The following CAMKMT variants were observed in gnomAD, a reference collection of about 807,000 sequenced individuals.
CAMKMT encodes calmodulin-lysine N-methyltransferase.
Under a neutral mutation model 48.0 loss-of-function variants are expected in CAMKMT, and 53 were observed. That is an observed-to-expected ratio of 1.10 (90% CI 0.89 to 1.39). The LOEUF (loss-of-function observed/expected upper bound fraction) is 1.39. Among genes scored for constraint, CAMKMT ranks in the 40% most tolerant of loss-of-function variants. The pLI is 0.00. For synonymous variants in CAMKMT, 165 were observed against 152.3 expected, an observed-to-expected ratio of 1.08 and a Z score of -0.61; for missense variants, 428 against 402.7, an observed-to-expected ratio of 1.06 and a Z score of -0.54.
At chr2:44,485,523 C>T (rs777996523) in intron 3 of CAMKMT, among the ~76,000 whole-genome samples, 10 of 152,068 alleles carry the variant, frequency 6.6e-5, no homozygotes, top group East Asian at 1.9e-4. Flanking sequence ...TTTTGTTGTG[C>T]GAACATCATA....
chr2:44,560,554 G>A (rs1228574581), intron 3 of CAMKMT, among the ~76,000 whole-genome samples: 2 of 152,204 alleles, frequency 1.3e-5, no homozygotes, highest in Admixed American at 1.3e-4. Context: ...TTATAGGCGT[G>A]AGCCACGGTG....
In CAMKMT at chr2:44,641,886, T is replaced by G. The variant is rs944219379; in HGVS notation, c.377-62397T>G. Reference sequence around the variant, plus strand: ...ATGTATTTTTATCTGATCCTCAACATGAACCAGGACTTTAGAAGAGAAATG... The same window carrying G: ...ATGTATTTTTATCTGATCCTCAACAGGAACCAGGACTTTAGAAGAGAAATG... On this transcript the variant is annotated intron_variant, in intron 3 of 10. Transcript: ENST00000378494. 5.9e-5 allele frequency among the ~76,000 whole-genome samples: 9 copies of G among 152,308 alleles called. No homozygotes were observed. The East Asian group carries it at 1.7e-3, about 29-fold the overall frequency.
At chr2:44,630,921 C>G (rs902224036) in intron 3 of CAMKMT, among the ~76,000 whole-genome samples, 1 of 151,758 alleles carries the variant, frequency 6.6e-6, no homozygotes, top group African/African-American at 2.4e-5. Flanking sequence ...GACTATAAAT[C>G]ATGCTGCTAT....
At chr2:44,586,203 G>T (rs956525104) in intron 3 of CAMKMT, among the ~76,000 whole-genome samples, 1 of 152,138 alleles carries the variant, frequency 6.6e-6, no homozygotes, top group Non-Finnish European at 1.5e-5. Context: ...TCCAAAATCT[G>T]ATAGGGTTTC....
At chr2:44,492,104 G>A (rs1346824460) in intron 3 of CAMKMT, among the ~76,000 whole-genome samples, 1 of 151,996 alleles carries the variant, frequency 6.6e-6, no homozygotes, top group African/African-American at 2.4e-5. Flanking sequence ...AAAAAGGCAG[G>A]GGTTGAACAT....
chr2:44,637,805 G>A (rs1017172755), intron 3 of CAMKMT, among the ~76,000 whole-genome samples: 6 of 151,910 alleles, frequency 3.9e-5, no homozygotes, highest in South Asian at 2.1e-4. Context: ...GGTGGCTCAC[G>A]CCTGTAATCC....
At chr2:44,745,725 C>CTACTCTCACT (rs1328935966) in intron 8 of CAMKMT, among the ~76,000 whole-genome samples, 1 of 152,060 alleles carries the variant, frequency 6.6e-6, no homozygotes, top group Non-Finnish European at 1.5e-5. Flanking sequence ...AAACATTAAG[C>CTACTCTCACT]TACTCTCACT....
intron 3 of CAMKMT, among the ~76,000 whole-genome samples, chr2:44,673,463 AAGAG>A (rs200117026): frequency 3.7e-5 from 5 of 133,338 alleles, no homozygotes; most frequent in African/African-American, 5.6e-5. Flanking sequence ...AAGAGAAAGA[AAGAG>A]AGAGAGGAAG....
intron 7 of CAMKMT, among the ~76,000 whole-genome samples, 193 bp downstream of exon 7, chr2:44,715,546 T>C (rs1678131894): frequency 6.6e-6 from 1 of 152,174 alleles, no homozygotes; most frequent in African/African-American, 2.4e-5. Context: ...ACACTCTCAT[T>C]AGCTCCAATT....
intron 2 of CAMKMT, among the ~76,000 whole-genome samples, chr2:44,383,486 AT>A (rs1172719925): frequency 6.6e-6 from 1 of 151,490 alleles, no homozygotes; most frequent in African/African-American, 2.4e-5. Flanking sequence ...TGTAATTTCA[AT>A]TTTCATTTTT....
chr2:44,477,503 C>G (rs1332265043), intron 3 of CAMKMT, among the ~76,000 whole-genome samples: 3 of 152,076 alleles, frequency 2.0e-5, no homozygotes, highest in Non-Finnish European at 4.4e-5. Context: ...ACTACAGTAA[C>G]TCAATAAACA....
intron 3 of CAMKMT, among the ~76,000 whole-genome samples, chr2:44,680,986 T>A (rs1172731756): frequency 6.6e-6 from 1 of 152,238 alleles, no homozygotes; most frequent in Admixed American, 6.5e-5. Flanking sequence ...CTTGTGTTTT[T>A]AGAGAAAAAT....
intron 7 of CAMKMT, among the ~76,000 whole-genome samples, chr2:44,727,071 T>C (rs1375255201): frequency 6.6e-6 from 1 of 152,162 alleles, no homozygotes; most frequent in Non-Finnish European, 1.5e-5. Flanking sequence ...GCTTTGTTCT[T>C]TTTGCTCAGG....
intron 3 of CAMKMT, among the ~76,000 whole-genome samples, chr2:44,493,958 T>G (rs1224343433): frequency 6.6e-6 from 1 of 152,242 alleles, no homozygotes; most frequent in Non-Finnish European, 1.5e-5. Context: ...CCATGGATTT[T>G]AAACCACTTA....
At chr2:44,558,424 C>T (rs1486428009) in intron 3 of CAMKMT, among the ~76,000 whole-genome samples, 1 of 152,242 alleles carries the variant, frequency 6.6e-6, no homozygotes, top group East Asian at 1.9e-4. Flanking sequence ...GACCAATTTA[C>T]ATATATGGGA....
chr2:44,474,496 G>A (rs888545341), intron 3 of CAMKMT, among the ~76,000 whole-genome samples: 4 of 151,506 alleles, frequency 2.6e-5, no homozygotes, highest in African/African-American at 7.3e-5. Context: ...TAAGTATCGA[G>A]AGGTAAGTAG....
intron 9 of CAMKMT, among the ~76,000 whole-genome samples, chr2:44,763,531 T>G (rs1267616792): frequency 1.3e-5 from 2 of 152,222 alleles, no homozygotes; most frequent in Admixed American, 6.5e-5. Context: ...TAGAAGATCC[T>G]GTTGTCACGG....
chr2:44,465,479 C>G (rs1309006669), intron 3 of CAMKMT, among the ~76,000 whole-genome samples: 1 of 151,204 alleles, frequency 6.6e-6, no homozygotes, highest in East Asian at 1.9e-4. Flanking sequence ...GCCTGTACTC[C>G]CAGCTACTCG....
intron 9 of CAMKMT, among the ~76,000 whole-genome samples, chr2:44,764,870 TG>T (rs1166974148): frequency 6.6e-6 from 1 of 152,150 alleles, no homozygotes; most frequent in East Asian, 1.9e-4. Context: ...GCATCAGTGC[TG>T]GGGCTTCTGA....
Sources: allele counts gnomAD v4.1 joint callset (sites outside exome capture counted in the v4.1 genomes callset), GRCh38; gene constraint gnomAD v4.1.1; transcripts MANE v1.5; gene names NCBI Gene and HGNC (gene_info 2026-07-23, HGNC 2026-07-21).